AP4E1: variants seen among roughly 807,000 people sequenced by gnomAD.
AP4E1 encodes the protein adaptor related protein complex 4 subunit epsilon 1, also known as AP-4 complex subunit epsilon-1.
Under a neutral mutation model 128.2 loss-of-function variants are expected in AP4E1, and 56 were observed. The observed-to-expected ratio is 0.44, with a 90% CI of 0.35 to 0.55. The LOEUF (loss-of-function observed/expected upper bound fraction) is 0.55. Ranked by LOEUF, AP4E1 falls within the 20% of genes least tolerant of loss-of-function variation. The pLI is 0.00. For synonymous variants in AP4E1, 484 were observed against 473.1 expected, an observed-to-expected ratio of 1.02 and a Z score of -0.30; for missense variants, 1,324 against 1,307.7, an observed-to-expected ratio of 1.01 and a Z score of -0.19.
intron 5 of AP4E1, among the ~76,000 whole-genome samples, chr15:50,927,439 G>T (rs2063781979): frequency 6.6e-6 from 1 of 151,718 alleles, no homozygotes; most frequent in Non-Finnish European, 1.5e-5. Context: ...CAACCCCAGA[G>T]CCTGAATCTA....
At position 50,929,084 on chromosome 15, in the gene AP4E1, T is replaced by G; in HGVS notation, c.618T>G (p.Ile206Met). The G allele has an allele frequency of 6.2e-7, 1 of 1,613,874 alleles. No homozygotes were observed. Among genetic ancestry groups the G allele is most frequent in the Non-Finnish European group, 8.5e-7 (1 of 1,179,872 alleles). ...HLIAPNQVQH[I>M]HIKFRKALCD... is the part of the protein sequence containing the mutation. Reference sequence around the variant, plus strand: ...TTGCTCCTAATCAAGTACAACATATTCATATTAAGTTTCGGAAAGCACTTT... The same window carrying G: ...TTGCTCCTAATCAAGTACAACATATGCATATTAAGTTTCGGAAAGCACTTT... The change falls in exon 6 of 21, where the codon ATT (isoleucine) becomes ATG (methionine). Residue 206 changes from isoleucine to methionine, a missense_variant. By Grantham distance (10) the Ile-to-Met change is conservative. Coordinates refer to ENST00000261842, the MANE Select transcript of AP4E1 (RefSeq NM_007347.5).
chr15:50,995,539 C>T (rs2064857036), intron 17 of AP4E1, among the ~76,000 whole-genome samples: 1 of 151,928 alleles, frequency 6.6e-6, no homozygotes, highest in Non-Finnish European at 1.5e-5. Flanking sequence ...GCATGTGCCA[C>T]CACGCCGAGC....
chr15:50,926,634 G>A (rs1437792755), intron 5 of AP4E1, among the ~76,000 whole-genome samples: 2 of 147,936 alleles, frequency 1.4e-5, no homozygotes, highest in African/African-American at 2.5e-5. Flanking sequence ...AGTCTTGCTC[G>A]GTCGCCCAGG....
chr15:50,953,468 T>A (rs970062165), intron 13 of AP4E1, among the ~76,000 whole-genome samples: 1 of 152,202 alleles, frequency 6.6e-6, no homozygotes, highest in African/African-American at 2.4e-5. Context: ...AGTAGCATGA[T>A]GAAATCTTGA....
intron 18 of AP4E1, among the ~76,000 whole-genome samples, chr15:50,998,828 TAC>T (rs1158023161): frequency 1.3e-5 from 2 of 152,350 alleles, no homozygotes; most frequent in African/African-American, 4.8e-5. Context: ...CCAGGACATT[TAC>T]AGTTTTAACT....
Position 50,956,907 on chromosome 15 carries a change from C to G in AP4E1, c.1549-1585C>G, listed in dbSNP as rs186629355. Reference sequence around the variant, plus strand: ...CTTCACTTACTCATCCTGTAGCTCTCAACCCCTCGCGGGAGGGTGAGCATG... The same window carrying G: ...CTTCACTTACTCATCCTGTAGCTCTGAACCCCTCGCGGGAGGGTGAGCATG... On this transcript the variant is annotated intron_variant, in intron 13 of 20. Transcript: ENST00000261842. Among the ~76,000 whole-genome samples, 495 of 152,300 alleles carry G rather than the reference C, an allele frequency of 3.3e-3. 4 individuals are homozygous for G. The highest frequency in any genetic ancestry group is 2.1e-3 in the Non-Finnish European group (142 of 68,016).
At chr15:50,925,796 A>ATTT (rs34511684) in intron 5 of AP4E1, among the ~76,000 whole-genome samples, 1 of 141,368 alleles carries the variant, frequency 7.1e-6, no homozygotes, top group Non-Finnish European at 1.5e-5. Flanking sequence ...TGCCCGACTA[A>ATTT]TTTTTTTTTT....
intron 5 of AP4E1, among the ~76,000 whole-genome samples, chr15:50,927,196 G>A (rs1014883443): frequency 2.6e-5 from 4 of 152,038 alleles, no homozygotes; most frequent in Non-Finnish European, 5.9e-5. Context: ...GAAAGGTCCC[G>A]TTTCAATTTT....
chr15:50,924,578 C>T (rs1204838444), intron 4 of AP4E1, among the ~76,000 whole-genome samples: 1 of 152,046 alleles, frequency 6.6e-6, no homozygotes, highest in Non-Finnish European at 1.5e-5. Flanking sequence ...TATTTTCTGA[C>T]CTTTAAGTCA....
chr15:50,997,436 T>A lies in AP4E1; in HGVS notation c.2457T>A (p.Ser819Arg), dbSNP rs1338993937. 1 of 1,613,836 alleles carries A rather than the reference T, an allele frequency of 6.2e-7. No homozygotes were observed. The highest frequency in any genetic ancestry group is 8.5e-7 in the Non-Finnish European group (1 of 1,179,870). Residue 819 changes from serine (S) to arginine (R), a missense_variant, in exon 18 of 21, where the codon AGT becomes AGA. Physicochemically the swap from Ser to Arg is moderately radical, Grantham distance 110. Coordinates refer to ENST00000261842, the MANE Select transcript of AP4E1 (RefSeq NM_007347.5). ...ATAATATGACCTGTTCTTCCTTTAG[T>A]TCTTTGTCAAATGTGGCATATGAAG... ...STHNMTCSSF[S>R]SLSNVAYEDD...
chr15:50,990,373 T>TATTATTATTATTATG (rs1406433555), intron 16 of AP4E1, among the ~76,000 whole-genome samples: 1 of 149,208 alleles, frequency 6.7e-6, no homozygotes, highest in African/African-American at 2.4e-5. Context: ...TTATTATTAT[T>TATTATTATTATTATG]ATTTGAGACA....
chr15:51,002,726 A>C lies in AP4E1; in HGVS notation c.*64A>C. ...GTTTACATAGATAAACTTATTTACCAAAGTAAAAAGAACTCATGGTACTTC... is the reference window on the plus strand; with the variant it reads ...GTTTACATAGATAAACTTATTTACCCAAGTAAAAAGAACTCATGGTACTTC... On this transcript the variant is annotated 3_prime_UTR_variant, in exon 21 of 21. Transcript: ENST00000261842. 2 of 1,582,708 alleles carry C rather than the reference A, an allele frequency of 1.3e-6. No homozygotes were observed. The highest frequency in any genetic ancestry group is 1.7e-6 in the Non-Finnish European group (2 of 1,155,710).
chr15:50,936,552 G>A (rs2063910776), intron 8 of AP4E1, among the ~76,000 whole-genome samples: 1 of 151,956 alleles, frequency 6.6e-6, no homozygotes, highest in Non-Finnish European at 1.5e-5. Flanking sequence ...CCTTTCCTGG[G>A]GATAACCACT....
At chr15:50,969,611 C>T (rs569752107) in intron 15 of AP4E1, among the ~76,000 whole-genome samples, 3 of 151,570 alleles carry the variant, frequency 2.0e-5, no homozygotes, top group African/African-American at 7.3e-5. Context: ...GCATATCCAT[C>T]ATCTCAAACA....
intron 1 of AP4E1, among the ~76,000 whole-genome samples, chr15:50,909,551 A>G (rs2141121956): frequency 6.6e-6 from 1 of 152,356 alleles, no homozygotes; most frequent in African/African-American, 2.4e-5. Flanking sequence ...GGCTTTGAAA[A>G]TGAGCAGTTA....
chr15:50,997,975 T>A, intron 18 of AP4E1, 92 bp downstream of exon 18: 1 of 1,008,264 alleles, frequency 9.9e-7, no homozygotes, highest in Non-Finnish European at 1.4e-6. Flanking sequence ...ACTTTTGTCA[T>A]AAACACTAAA....
chr15:51,003,818 G>A lies in AP4E1; in HGVS notation c.*1156G>A, dbSNP rs2619685. 25,516 of 152,472 alleles carry A rather than the reference G, an allele frequency of 0.17. 2,378 individuals are homozygous for A. Among genetic ancestry groups the A allele is most frequent in the Admixed American group, 0.27 (4,127 of 15,264 alleles). 9.4% of individuals were successfully genotyped at this position (152,472 alleles called of 1,614,324 possible). On this transcript the variant is annotated 3_prime_UTR_variant, in exon 21 of 21. Transcript: ENST00000261842. ...ACACTTCACCATGGAGACTATTCAG[G>A]TAATACAATTTTAAGTCATTGCAGT...
chr15:50,984,823 A>G (rs956453866), intron 16 of AP4E1, among the ~76,000 whole-genome samples: 1 of 152,160 alleles, frequency 6.6e-6, no homozygotes, highest in Non-Finnish European at 1.5e-5. Flanking sequence ...GTATATACCC[A>G]GTAATGGGAT....
upstream of AP4E1, among the ~76,000 whole-genome samples, chr15:50,908,218 G>GC (rs1045508615): frequency 6.6e-6 from 1 of 151,872 alleles, no homozygotes; most frequent in African/African-American, 2.4e-5. Context: ...CCGCTATCAC[G>GC]CAACTACTCG....
Sources: allele counts gnomAD v4.1 joint callset (sites outside exome capture counted in the v4.1 genomes callset), GRCh38; gene constraint gnomAD v4.1.1; transcripts MANE v1.5; gene names NCBI Gene and HGNC (gene_info 2026-07-23, HGNC 2026-07-21).